Variants in MCM9 observed in about 807,000 individuals in gnomAD.
MCM9 encodes DNA helicase MCM9.
Under a neutral mutation model 72.8 loss-of-function variants are expected in MCM9, and 55 were observed. The ratio of observed to expected loss-of-function variants is 0.76; its 90% CI spans 0.61 to 0.95. The LOEUF (loss-of-function observed/expected upper bound fraction) is 0.95. Among genes scored for constraint, MCM9 ranks in the 40% least tolerant of loss-of-function variants. The pLI, the probability that MCM9 is intolerant of heterozygous loss-of-function variation, is 0.00. For synonymous variants in MCM9, 480 were observed against 503.4 expected (o/e 0.95, Z 0.62); for missense variants, 1,279 against 1,377.0 (o/e 0.93, Z 1.13).
chr6:118,842,751 C>T (rs1775462924), intron 9 of MCM9, among the ~76,000 whole-genome samples: 1 of 152,056 alleles, frequency 6.6e-6, no homozygotes, highest in Admixed American at 6.5e-5. Flanking sequence ...AACTACGAGC[C>T]TCAAGTGATC....
chr6:118,865,202 T>C (rs2114267345), intron 8 of MCM9, among the ~76,000 whole-genome samples: 1 of 151,986 alleles, frequency 6.6e-6, no homozygotes, highest in East Asian at 2.0e-4. Context: ...TGAGTCTATC[T>C]GCACCACAGA....
chr6:118,834,840 A>T (rs1360422822), intron 9 of MCM9, among the ~76,000 whole-genome samples: 2 of 152,274 alleles, frequency 1.3e-5, no homozygotes, highest in Admixed American at 6.5e-5. Context: ...TTTGCTGTGC[A>T]GAAGCTCTTT....
intron 3 of MCM9, among the ~76,000 whole-genome samples, chr6:118,930,362 T>G (rs1396185767): frequency 1.3e-5 from 2 of 152,218 alleles, no homozygotes; most frequent in Non-Finnish European, 2.9e-5. Flanking sequence ...TCTGCCCGCC[T>G]TGGCCTCCCA....
At chr6:118,851,556 C>A (rs1280250504) in intron 9 of MCM9, among the ~76,000 whole-genome samples, 1 of 151,650 alleles carries the variant, frequency 6.6e-6, no homozygotes, top group Non-Finnish European at 1.5e-5. Flanking sequence ...GCTAGTTTTA[C>A]AATAATAACT....
At chr6:118,891,344 T>C (rs1343473982) in intron 8 of MCM9, among the ~76,000 whole-genome samples, 1 of 152,206 alleles carries the variant, frequency 6.6e-6, no homozygotes, top group African/African-American at 2.4e-5. Flanking sequence ...CAAATAAGCT[T>C]AATTCTGAGG....
chr6:118,894,610 GTGTTCGGCGCCT>G, intron 8 of MCM9: 1 of 1,178,994 alleles, frequency 8.5e-7, no homozygotes, highest in Non-Finnish European at 1.2e-6. Context: ...CTGGGCGGCT[GTGTTCGGCGCCT>G]GGCGGCCGCG....
chr6:118,833,845 T>G (rs1044183341), intron 9 of MCM9, among the ~76,000 whole-genome samples: 6 of 152,176 alleles, frequency 3.9e-5, no homozygotes, highest in African/African-American at 1.4e-4. Context: ...GAAAGAGTCC[T>G]GGTGATTGCT....
chr6:118,861,545 C>G (rs1776905440), intron 8 of MCM9, among the ~76,000 whole-genome samples: 1 of 152,180 alleles, frequency 6.6e-6, no homozygotes, highest in African/African-American at 2.4e-5. Context: ...GAACAGCTCT[C>G]AGGAGACCCG....
Position 118,815,767 on chromosome 6 carries a change from G to T in MCM9, c.2489C>A (p.Ala830Glu), listed in dbSNP as rs1332119733. ...TGAGTCTGGTTTATCAGCAGAGACTGCTGCTTCAGAATCTAGTGCTAGCCT... is the reference window on the plus strand; with the variant it reads ...TGAGTCTGGTTTATCAGCAGAGACTTCTGCTTCAGAATCTAGTGCTAGCCT... ...KKRLALDSEAAVSADKPDSVL... is the reference protein window; with the variant it reads ...KKRLALDSEAEVSADKPDSVL... The change falls in exon 14 of 14, where the codon GCA (alanine) becomes GAA (glutamate). Residue 830 changes from alanine (A) to glutamate (E), a missense_variant. Physicochemically the swap from Ala to Glu is moderately radical, Grantham distance 107 (BLOSUM62 -1). Coordinates refer to ENST00000619706, the MANE Select transcript of MCM9 (RefSeq NM_017696.3). 2 of 1,541,736 alleles carry T rather than the reference G, an allele frequency of 1.3e-6. No individual in the cohort carries two copies. The highest frequency in any genetic ancestry group is 1.7e-6 in the Non-Finnish European group (2 of 1,147,016).
At chr6:118,843,702 ATGTATG>A (rs1775645072) in intron 9 of MCM9, among the ~76,000 whole-genome samples, 3 of 44,798 alleles carry the variant, frequency 6.7e-5, no homozygotes, top group African/African-American at 2.8e-4. Context: ...ATATATATAT[ATGTATG>A]TATATATATA....
At chr6:118,894,330 C>CT in intron 8 of MCM9, 1 of 1,526,656 alleles carries the variant, frequency 6.6e-7, no homozygotes, top group Non-Finnish European at 8.8e-7. Context: ...GAGCGGGGGT[C>CT]TGCGCTCTCC....
chr6:118,920,453 A>G (rs1025500620), intron 5 of MCM9: 1 of 152,226 alleles, frequency 6.6e-6, no homozygotes, highest in Non-Finnish European at 1.5e-5. Context: ...GATTTGTTAG[A>G]GCAGCCTGAT....
intron 8 of MCM9, among the ~76,000 whole-genome samples, chr6:118,868,836 A>G (rs758060255): frequency 6.6e-5 from 10 of 152,232 alleles, no homozygotes; most frequent in Non-Finnish European, 1.3e-4. Context: ...AATTAGTTCA[A>G]TCATTGTGGA....
chr6:118,820,317 T>A (rs1026000217), intron 13 of MCM9, among the ~76,000 whole-genome samples: 1 of 152,198 alleles, frequency 6.6e-6, no homozygotes, highest in Non-Finnish European at 1.5e-5. Context: ...TTCTGGTATG[T>A]TTTGTCTTTG....
intron 4 of MCM9, 29 bp downstream of exon 4, chr6:118,923,782 T>G: frequency 5.6e-6 from 9 of 1,594,376 alleles, no homozygotes; most frequent in Non-Finnish European, 7.7e-6. Context: ...TTCTTCAAAT[T>G]TATTTATCTC....
At chr6:118,888,866 G>C (rs1262764394) in intron 8 of MCM9, among the ~76,000 whole-genome samples, 1 of 152,080 alleles carries the variant, frequency 6.6e-6, no homozygotes, top group Non-Finnish European at 1.5e-5. Context: ...GAAATGTCTA[G>C]AATAGGCAAA....
At position 118,834,661 on chromosome 6, in the gene MCM9, A is replaced by G. The variant is rs138061541; in HGVS notation, c.1326-5411T>C. On this transcript the variant is annotated intron_variant, in intron 9 of 13. Coordinates refer to ENST00000619706, the MANE Select transcript of MCM9 (RefSeq NM_017696.3). ...TGGCCATATAAATGTCTTCATTCCA[A>G]AAGTGCCTGTTCATATCCTTCACCC... is the stretch of plus-strand genomic sequence containing the variant. Among the ~76,000 whole-genome samples, 276 of 151,664 alleles carry G rather than the reference A, an allele frequency of 1.8e-3. 1 individual carries two copies. The highest frequency in any genetic ancestry group is 0.01 in the South Asian group (50 of 4,804).
intron 9 of MCM9, among the ~76,000 whole-genome samples, chr6:118,845,307 A>C (rs1304356535): frequency 6.6e-6 from 1 of 151,874 alleles, no homozygotes; most frequent in African/African-American, 2.4e-5. Flanking sequence ...ATATATATAC[A>C]TCTACTTTAA....
At chr6:118,869,394 G>A (rs553534288) in intron 8 of MCM9, among the ~76,000 whole-genome samples, 4 of 151,932 alleles carry the variant, frequency 2.6e-5, no homozygotes, top group African/African-American at 9.6e-5. Context: ...ATGTACCCTA[G>A]AACTTAAAGT....
Sources: gnomAD v4.1 joint callset for allele counts (sites outside exome capture counted in the v4.1 genomes callset) on GRCh38, gnomAD v4.1.1 for gene constraint, MANE v1.5 for transcripts, NCBI Gene and HGNC (gene_info 2026-07-23, HGNC 2026-07-21) for gene names.